SPTB: variants seen among roughly 807,000 people sequenced by gnomAD.
SPTB encodes spectrin beta chain, erythrocytic.
Under a neutral mutation model 256.2 loss-of-function variants are expected in SPTB, and 45 were observed. The ratio of observed to expected loss-of-function variants is 0.18; its 90% CI spans 0.14 to 0.23. SPTB has a LOEUF of 0.23. Ranked by LOEUF, SPTB falls within the 10% of genes least tolerant of loss-of-function variation. SPTB has a pLI of 1.00. For missense variants in SPTB, 2,715 were observed against 3,040.4 expected (o/e 0.89, Z 2.52); for synonymous variants, 1,231 against 1,243.1 (o/e 0.99, Z 0.21).
chr14:64,792,997 C>T lies in SPTB; in HGVS notation c.2666G>A (p.Arg889Lys), dbSNP rs758566525. ...TLEDLEVVQHRFDILDQEMKT... is the reference protein window; with the variant it reads ...TLEDLEVVQHKFDILDQEMKT... ...GAGGAAAAGATGAGTTAACTCTGAC[C>T]TGTGCTGCACGACCTCCAGGTCCTC... is the stretch of plus-strand genomic sequence containing the variant. Residue 889 changes from arginine (R) to lysine (K), a missense_variant and splice_region_variant, in exon 14 of 36, where the codon AGG (arginine) becomes AAG (lysine). Around this residue, in one of 4 missense-constraint regions of SPTB, gnomAD observed 2,239 missense variants for 2,384.4 expected, o/e 0.94. Coordinates refer to ENST00000644917, the MANE Select transcript of SPTB (RefSeq NM_001355436.2). The surrounding 1 kb of genome is among the most constrained non-coding windows in gnomAD (Gnocchi z 4.2). 1 of 1,613,920 alleles carries T rather than the reference C, an allele frequency of 6.2e-7. No homozygotes were observed. The highest frequency in any genetic ancestry group is 1.1e-5 in the South Asian group (1 of 91,080).
At chr14:64,848,626 C>T (rs1236891709) in intron 1 of SPTB, among the ~76,000 whole-genome samples, 4 of 152,168 alleles carry the variant, frequency 2.6e-5, no homozygotes, top group Non-Finnish European at 4.4e-5. Flanking sequence ...AAGATAGCTC[C>T]ACAAGTTAAC....
At chr14:64,753,921 ACCT>A (rs1239660721) in intron 32 of SPTB, 128 bp from the exon 33 acceptor site, 3 of 1,281,242 alleles carry the variant, frequency 2.3e-6, no homozygotes, top group Non-Finnish European at 3.3e-6. Context: ...TTCTACTCCC[ACCT>A]CCTGGCCCAC....
Position 64,779,962 on chromosome 14 carries a change from G to A in SPTB, c.4267-31C>T. 1 of 1,592,708 alleles carries A rather than the reference G, an allele frequency of 6.3e-7. No individual in the cohort carries two copies. Among genetic ancestry groups the A allele is most frequent in the Non-Finnish European group, 8.6e-7 (1 of 1,160,994 alleles). ...ACACAAGGGGACGGTGTCAGCACCAGCCTTGGCACCTGCACAGCCCCTCCA... is the reference window on the plus strand; with the variant it reads ...ACACAAGGGGACGGTGTCAGCACCAACCTTGGCACCTGCACAGCCCCTCCA... On this transcript the variant is annotated intron_variant, in intron 20 of 35. Transcript: ENST00000644917. This position sits in a 1 kb window ranked among gnomAD's most constrained non-coding sequence, Gnocchi z 4.2.
At chr14:64,879,260 C>A (rs963377817) in intron 1 of SPTB, among the ~76,000 whole-genome samples, 1 of 152,228 alleles carries the variant, frequency 6.6e-6, no homozygotes, top group South Asian at 2.1e-4. Flanking sequence ...GGAGGCCCGG[C>A]CCCCTCTGCT....
intron 32 of SPTB, 27 bp from the exon 33 acceptor site, chr14:64,753,820 C>A (rs575946264): frequency 2.5e-6 from 4 of 1,610,074 alleles, no homozygotes; most frequent in South Asian, 2.2e-5. Context: ...GAGGAGCACA[C>A]CTTTCTGGGT....
At chr14:64,836,189 T>C (rs1176593814) in intron 1 of SPTB, among the ~76,000 whole-genome samples, 1 of 152,218 alleles carries the variant, frequency 6.6e-6, no homozygotes, top group East Asian at 1.9e-4. Context: ...GATGGGGCCA[T>C]AAGGTGGAAG....
chr14:64,763,745 T>TC, intron 32 of SPTB: 1 of 518,942 alleles, frequency 1.9e-6, no homozygotes, highest in South Asian at 1.4e-5. Flanking sequence ...CTGCCTGGCC[T>TC]CCCATGCACT....
chr14:64,850,740 C>T (rs1051810904), intron 1 of SPTB, among the ~76,000 whole-genome samples: 1 of 152,214 alleles, frequency 6.6e-6, no homozygotes, highest in Non-Finnish European at 1.5e-5. Flanking sequence ...TGACTCCAGC[C>T]TTCCTTTCTT....
chr14:64,860,682 T>C (rs1214704032), intron 1 of SPTB, among the ~76,000 whole-genome samples: 3 of 152,190 alleles, frequency 2.0e-5, no homozygotes, highest in Non-Finnish European at 2.9e-5. Context: ...ACATCCTCAG[T>C]GCCAGGCACT....
At chr14:64,867,333 T>TG (rs139040233) in intron 1 of SPTB, among the ~76,000 whole-genome samples, 7,953 of 152,232 alleles carry the variant, frequency 0.052, 276 homozygotes, top group Middle Eastern at 0.088. Context: ...AGCCAGGCCC[T>TG]GAGTTGGGCA....
At chr14:64,819,379 G>A (rs1296818571) in intron 2 of SPTB, among the ~76,000 whole-genome samples, 1 of 152,160 alleles carries the variant, frequency 6.6e-6, no homozygotes, top group Non-Finnish European at 1.5e-5. Flanking sequence ...CCCAATTCAG[G>A]TCTTCCAACC....
rs368057913 is a variant in SPTB at position 64,800,929 on chromosome 14, A to T, written c.764-61T>A. ...TGGAAGTCGGGAAAGTCAGGCTCAG[A>T]GGGTTTATTCCCCATTCCTCCAGCA... is the stretch of plus-strand genomic sequence containing the variant. On this transcript the variant is annotated intron_variant, in intron 7 of 35. Transcript: ENST00000644917. The T allele has an allele frequency of 9.0e-6, 12 of 1,328,616 alleles. No individual in the cohort carries two copies. In the African/African-American group the frequency reaches 1.6e-4, roughly 18 times the overall value. The allele number at this position is 1,328,616 out of a possible 1,614,324, so 82.3% of individuals were successfully genotyped here.
Position 64,793,771 on chromosome 14 carries a change from G to T in SPTB, c.1892C>A (p.Ala631Asp). 1 of 1,614,072 alleles carries T rather than the reference G, an allele frequency of 6.2e-7. No individual in the cohort carries two copies. The change falls in exon 14 of 36, where the codon GCC (alanine) becomes GAC (aspartate). Residue 631 changes from alanine (A) to aspartate (D), a missense_variant. Physicochemically the swap from Ala to Asp is moderately radical, Grantham distance 126 (BLOSUM62 -2). Coordinates refer to ENST00000644917, the MANE Select transcript of SPTB (RefSeq NM_001355436.2). The surrounding 1 kb of genome is among the most constrained non-coding windows in gnomAD (Gnocchi z 7.0). ...GAGTCGTTTGGACTGCTCCAGTTGG[G>T]CCTTCCGCCCAGCTGCCATGTTGCT... ...ELSNMAAGRK[A>D]QLEQSKRLWK...
chr14:64,772,457 G>T lies in SPTB; in HGVS notation c.5553+123C>A. ...TGCTCCCAGCCCTGAGCTCCTGGCTGTCTAAGGAGGCAAAACCTCCTGGCA... is the reference window on the plus strand; with the variant it reads ...TGCTCCCAGCCCTGAGCTCCTGGCTTTCTAAGGAGGCAAAACCTCCTGGCA... On this transcript the variant is annotated intron_variant, in intron 26 of 35. Transcript: ENST00000644917. This position sits in a 1 kb window ranked among gnomAD's most constrained non-coding sequence, Gnocchi z 5.4. 1 of 1,359,292 alleles carries T rather than the reference G, an allele frequency of 7.4e-7. No homozygotes were observed. The highest frequency in any genetic ancestry group is 1.0e-6 in the Non-Finnish European group (1 of 1,004,356). 84.2% of individuals were successfully genotyped at this position (1,359,292 alleles called of 1,614,324 possible).
chr14:64,752,223 T>C (rs1268598300), intron 33 of SPTB: 3 of 1,348,606 alleles, frequency 2.2e-6, no homozygotes, highest in East Asian at 4.6e-5. Flanking sequence ...GTGGGAAGCA[T>C]GTTGCTGCAT....
intron 1 of SPTB, among the ~76,000 whole-genome samples, chr14:64,846,111 A>T (rs887927826): frequency 6.6e-6 from 1 of 152,184 alleles, no homozygotes; most frequent in African/African-American, 2.4e-5. Flanking sequence ...GCTACTCCCG[A>T]CTTGCGGTGA....
At chr14:64,833,927 G>C (rs987711525) in intron 1 of SPTB, among the ~76,000 whole-genome samples, 1 of 152,164 alleles carries the variant, frequency 6.6e-6, no homozygotes, top group Non-Finnish European at 1.5e-5. Context: ...GTGGTGAGAA[G>C]GTTGGAAGCA....
At chr14:64,757,086 G>A (rs370780346) in intron 32 of SPTB, 8 of 152,258 alleles carry the variant, frequency 5.3e-5, no homozygotes, top group Admixed American at 2.6e-4. Context: ...CAGAGGAGGG[G>A]ACATGGGCTG....
rs2082988954 is a variant in SPTB at position 64,806,609 on chromosome 14, G to A, written c.149-1519C>T. ...GGCTTGCTGCATCAGATGCCTTCCG[G>A]CTTCATGGCTATTTTGGTATTAGGA... is the stretch of plus-strand genomic sequence containing the variant. On this transcript the variant is annotated intron_variant, in intron 2 of 35. Coordinates refer to ENST00000644917, the MANE Select transcript of SPTB (RefSeq NM_001355436.2). This position sits in a 1 kb window ranked among gnomAD's most constrained non-coding sequence, Gnocchi z 4.1. 6.6e-6 allele frequency among the ~76,000 whole-genome samples: 1 copy of A among 152,230 alleles called. No individual in the cohort carries two copies. Among genetic ancestry groups the A allele is most frequent in the Admixed American group, 6.5e-5 (1 of 15,282 alleles).
Sources: allele counts gnomAD v4.1 joint callset (sites outside exome capture counted in the v4.1 genomes callset), GRCh38; gene constraint gnomAD v4.1.1; regional missense constraint gnomAD v4.1.1; non-coding constraint Gnocchi (gnomAD v3.1); transcripts MANE v1.5; gene names NCBI Gene and HGNC (gene_info 2026-07-23, HGNC 2026-07-21).